The following ZNF718 variants were observed in gnomAD, a reference collection of about 807,000 sequenced individuals.
The protein encoded by ZNF718 is zinc finger protein 718.
ZNF718 carries 3 observed loss-of-function variants against 2.6 expected under a neutral mutation model. That is an observed-to-expected ratio of 1.16 (90% CI 0.53 to 3.01). The LOEUF (loss-of-function observed/expected upper bound fraction) is 3.01. Among genes scored for constraint, ZNF718 ranks in the 30% most tolerant of loss-of-function variants. ZNF718 has a pLI of 0.03. For synonymous variants in ZNF718, 135 were observed against 77.9 expected (o/e 1.73, Z -3.86); for missense variants, 468 against 230.0 (o/e 2.03, Z -6.69).
chr4:168,078 A>C (rs1045219253), downstream of ZNF718, among the ~76,000 whole-genome samples: 20 of 152,310 alleles, frequency 1.3e-4, no homozygotes, highest in Middle Eastern at 6.8e-3. Context: ...GAATGTTTTC[A>C]AAGGCCTTTT....
At chr4:195,425 C>T (rs1226426452) in intron 3 of ZNF718, among the ~76,000 whole-genome samples, 1 of 152,198 alleles carries the variant, frequency 6.6e-6, no homozygotes, top group African/African-American at 2.4e-5. Context: ...GGGAGTTCCT[C>T]CTTAGTCTGG....
At chr4:171,921 G>A (rs543066114) in intron 3 of ZNF718, among the ~76,000 whole-genome samples, 5 of 152,302 alleles carry the variant, frequency 3.3e-5, no homozygotes, top group East Asian at 3.9e-4. Flanking sequence ...GAAATCACAC[G>A]TCTTCTGCGT....
chr4:191,831 C>T (rs1164868256), intron 3 of ZNF718, among the ~76,000 whole-genome samples: 15 of 152,204 alleles, frequency 9.9e-5, no homozygotes, highest in African/African-American at 3.1e-4. Context: ...TGGGGCGGGC[C>T]GCTCCCAAGA....
chr4:161,147 A>G lies in ZNF718; in HGVS notation c.462A>G (p.Lys154=), dbSNP rs1195958479. ...ATATATGTGTCAAAGTTTTTCATAA[A>G]TTTTCAAATTCAAACAAAGATAAGA... ...QSNICVKVFH[K]FSNSNKDKIR... The change falls in exon 4 of 4, where the codon AAA becomes AAG. Residue 154 remains lysine (K), a synonymous_variant. Transcript: ENST00000510175. 1.3e-6 allele frequency: 1 copy of G among 757,010 alleles called. No individual in the cohort carries two copies. Among genetic ancestry groups the G allele is most frequent in the African/African-American group, 1.7e-5 (1 of 58,140 alleles). The allele number at this position is 757,010 out of a possible 1,614,324, so 46.9% of individuals were successfully genotyped here.
At chr4:179,812 C>A (rs953031688) in intron 3 of ZNF718, among the ~76,000 whole-genome samples, 2 of 152,168 alleles carry the variant, frequency 1.3e-5, no homozygotes, top group South Asian at 4.1e-4. Context: ...AAGGTAAATT[C>A]TCAGTGGTGG....
At chr4:185,662 T>C (rs1374617922) in intron 3 of ZNF718, among the ~76,000 whole-genome samples, 1 of 152,196 alleles carries the variant, frequency 6.6e-6, no homozygotes, top group African/African-American at 2.4e-5. Flanking sequence ...GAACTTACTT[T>C]ATGAATCAGG....
At chr4:145,605 A>G (rs1486986630) in intron 3 of ZNF718, among the ~76,000 whole-genome samples, 2 of 152,060 alleles carry the variant, frequency 1.3e-5, no homozygotes, top group Admixed American at 1.3e-4. Context: ...TGGGACTACA[A>G]GCACAAGTCT....
chr4:139,686 C>T (rs1213592810), intron 3 of ZNF718, among the ~76,000 whole-genome samples: 4 of 152,354 alleles, frequency 2.6e-5, no homozygotes, highest in Middle Eastern at 3.4e-3. Context: ...AGGACCTGGA[C>T]ACCTACAACT....
At chr4:165,163 T>C (rs1553816527), downstream of ZNF718, among the ~76,000 whole-genome samples, 1 of 152,200 alleles carries the variant, frequency 6.6e-6, no homozygotes, top group African/African-American at 2.4e-5. Flanking sequence ...CTTCATGCCA[T>C]GTAATTTCAC....
Position 131,184 on chromosome 4 carries a change from C to T in ZNF718, c.131-226C>T, listed in dbSNP as rs1194694356. On this transcript the variant is annotated intron_variant, in intron 2 of 3. Coordinates refer to ENST00000510175, the MANE Select transcript of ZNF718 (RefSeq NM_001039127.6). Reference sequence around the variant, plus strand: ...AAAATAATTGTCTTTCACATCTTAACATGCAATTTGCACTACTTATTTTTG... The same window carrying T: ...AAAATAATTGTCTTTCACATCTTAATATGCAATTTGCACTACTTATTTTTG... 7.7e-5 allele frequency among the ~76,000 whole-genome samples: 8 copies of T among 104,396 alleles called. 2 individuals are homozygous for T. The highest frequency in any genetic ancestry group is 2.7e-4 in the African/African-American group (8 of 30,062). 68.5% of individuals were successfully genotyped at this position (104,396 alleles called of 152,430 possible).
At chr4:148,742 A>C (rs894534876) in intron 3 of ZNF718, among the ~76,000 whole-genome samples, 1 of 152,010 alleles carries the variant, frequency 6.6e-6, no homozygotes, top group Non-Finnish European at 1.5e-5. Context: ...GATCAGGGAA[A>C]GGGGTGGGTT....
chr4:154,251 GTCTTTA>G (rs1716466709), intron 3 of ZNF718, among the ~76,000 whole-genome samples: 1 of 152,164 alleles, frequency 6.6e-6, no homozygotes, highest in Admixed American at 6.6e-5. Flanking sequence ...TCTCAGGTAT[GTCTTTA>G]TCAGCAGTGT....
At position 195,030 on chromosome 4, in the gene ZNF718, G is replaced by C. The variant is rs1717764366; in HGVS notation, c.227-6051G>C. ...GACCACAAAGAAAGGGGTCCAGGCT[G>C]CTGGATTCTAGTGGTCCTTTACCAG... On this transcript the variant is annotated intron_variant and NMD_transcript_variant, in intron 3 of 4. Coordinates refer to the ZNF718 transcript ENST00000642529. Among the ~76,000 whole-genome samples, 6 of 152,168 alleles carry C rather than the reference G, an allele frequency of 3.9e-5. No homozygotes were observed. The South Asian group carries it at 1.2e-3, about 32-fold the overall frequency.
chr4:159,596 T>C (rs1293089961), intron 3 of ZNF718, among the ~76,000 whole-genome samples: 2 of 152,160 alleles, frequency 1.3e-5, no homozygotes, highest in African/African-American at 2.4e-5. Flanking sequence ...TTTTTTACTT[T>C]TGAAAATGTC....
chr4:171,696 C>T (rs879977019), intron 3 of ZNF718, among the ~76,000 whole-genome samples: 3 of 152,204 alleles, frequency 2.0e-5, no homozygotes, highest in East Asian at 3.9e-4. Flanking sequence ...ATTGGAAAAG[C>T]GTAGTATTAG....
In ZNF718 at chr4:195,358, C is replaced by T. The variant is rs570960395; in HGVS notation, c.227-5723C>T. Reference sequence around the variant, plus strand: ...GACTCCCTGTCAATTACTGCATACACATTGTGGTTTTTTTTCTCAATCACC... The same window carrying T: ...GACTCCCTGTCAATTACTGCATACATATTGTGGTTTTTTTTCTCAATCACC... On this transcript the variant is annotated intron_variant and NMD_transcript_variant, in intron 3 of 4. Transcript: ENST00000642529. Among the ~76,000 whole-genome samples the T allele has an allele frequency of 2.0e-5, 3 of 152,300 alleles. No individual in the cohort carries two copies. In the South Asian group the frequency reaches 6.2e-4, roughly 32 times the overall value.
chr4:141,179 A>G (rs1715795779), intron 3 of ZNF718, among the ~76,000 whole-genome samples: 1 of 107,794 alleles, frequency 9.3e-6, no homozygotes, highest in Non-Finnish European at 2.1e-5. Context: ...TATGTTATTC[A>G]TGAAAAAAAA....
At chr4:165,665 G>T (rs1318284681), downstream of ZNF718, among the ~76,000 whole-genome samples, 1 of 152,126 alleles carries the variant, frequency 6.6e-6, no homozygotes, top group Non-Finnish European at 1.5e-5. Flanking sequence ...CAGTTGTGAT[G>T]GTGGGTGCCT....
chr4:150,323 A>G (rs566812629), intron 3 of ZNF718: 17 of 152,306 alleles, frequency 1.1e-4, no homozygotes, highest in African/African-American at 4.1e-4. Context: ...GTAAATATCT[A>G]TTTAAAGTCC....
Sources: gnomAD v4.1 joint callset for allele counts (sites outside exome capture counted in the v4.1 genomes callset) on GRCh38, gnomAD v4.1.1 for gene constraint, MANE v1.5 for transcripts, NCBI Gene and HGNC (gene_info 2026-07-23, HGNC 2026-07-21) for gene names.